The following ST6GAL1 variants were observed in gnomAD, a reference collection of about 807,000 sequenced individuals.
ST6GAL1 encodes beta-galactoside alpha-2,6-sialyltransferase 1.
ST6GAL1 carries 20 observed loss-of-function variants against 38.0 expected under a neutral mutation model. The ratio of observed to expected loss-of-function variants is 0.53; its 90% CI spans 0.37 to 0.77. The LOEUF (loss-of-function observed/expected upper bound fraction) is 0.77, where lower values mean the gene tolerates loss of function less well. Among genes scored for constraint, ST6GAL1 ranks in the 30% least tolerant of loss-of-function variants. The pLI is 0.00. For missense variants in ST6GAL1, 432 were observed against 496.4 expected (o/e 0.87, Z 1.23); for synonymous variants, 196 against 188.2 (o/e 1.04, Z -0.34).
chr3:186,937,384 T>A (rs1490330097), intron 1 of ST6GAL1, among the ~76,000 whole-genome samples: 1 of 152,196 alleles, frequency 6.6e-6, no homozygotes, highest in Non-Finnish European at 1.5e-5. Context: ...TTTAGAAGTC[T>A]ACAGGTACTG....
At chr3:187,000,442 A>C (rs1342322456) in intron 2 of ST6GAL1, among the ~76,000 whole-genome samples, 4 of 151,696 alleles carry the variant, frequency 2.6e-5, no homozygotes, top group Admixed American at 6.6e-5. Flanking sequence ...GGTGCCCGTA[A>C]TCCCAGCTAC....
Position 187,075,700 on chromosome 3 carries a change from T to C in ST6GAL1, c.1118T>C (p.Leu373Pro). The part of the protein sequence containing the change: ...ACTMGAYHPL[L>P]YEKNLVKHLN... ...ACGATGGGTGCCTACCACCCGCTGC[T>C]CTATGAGAAGAATTTGGTGAAGCAT... The change falls in exon 8 of 8, where the codon CTC becomes CCC. Residue 373 changes from leucine (L) to proline (P), a missense_variant. Leu to Pro is a moderately conservative substitution (Grantham distance 98). Coordinates refer to ENST00000169298, the MANE Select transcript of ST6GAL1 (RefSeq NM_173216.2). The surrounding 1 kb of genome is among the most constrained non-coding windows in gnomAD (Gnocchi z 4.1). The C allele has an allele frequency of 6.2e-7, 1 of 1,614,202 alleles. No homozygotes were observed. Among genetic ancestry groups the C allele is most frequent in the South Asian group, 1.1e-5 (1 of 91,080 alleles).
intron 2 of ST6GAL1, among the ~76,000 whole-genome samples, chr3:187,037,195 G>A (rs1028554980): frequency 1.3e-5 from 2 of 152,026 alleles, no homozygotes; most frequent in Non-Finnish European, 2.9e-5. Context: ...AATATATATC[G>A]ATTTAATTAT....
chr3:186,953,559 C>T (rs550316893), intron 1 of ST6GAL1, among the ~76,000 whole-genome samples: 2 of 152,328 alleles, frequency 1.3e-5, no homozygotes, highest in East Asian at 1.9e-4. Context: ...TTCCTTGTTG[C>T]TGTTCAATAG....
rs1332388507 is a variant in ST6GAL1 at position 187,076,490 on chromosome 3, T to G, written c.*687T>G. 1 of 216,304 alleles carries G rather than the reference T, an allele frequency of 4.6e-6. No individual in the cohort carries two copies. Among genetic ancestry groups the G allele is most frequent in the Admixed American group, 5.9e-5 (1 of 17,084 alleles). The allele number at this position is 216,304 out of a possible 1,614,324, so 13.4% of individuals were successfully genotyped here. A position where few individuals can be genotyped will look rare whatever the true frequency, so the allele number is the denominator to read the frequency against. On this transcript the variant is annotated 3_prime_UTR_variant, in exon 8 of 8. Transcript: ENST00000169298. ...AGTGTCTATCCTCAAGTTGCTACGG[T>G]TCAGTGAGAGAGGCAGACATCTGAA...
At chr3:187,008,795 A>G (rs1472411909) in intron 2 of ST6GAL1, among the ~76,000 whole-genome samples, 1 of 152,136 alleles carries the variant, frequency 6.6e-6, no homozygotes, top group Non-Finnish European at 1.5e-5. Context: ...GATATTTTAG[A>G]TTTATTTCCT....
At chr3:187,063,773 G>T (rs1318756954) in intron 5 of ST6GAL1, among the ~76,000 whole-genome samples, 3 of 152,220 alleles carry the variant, frequency 2.0e-5, no homozygotes, top group Non-Finnish European at 4.4e-5. Context: ...TAAGAGTACT[G>T]GAGTCAGGCA....
chr3:186,984,516 C>G (rs1195787938), intron 2 of ST6GAL1, among the ~76,000 whole-genome samples: 1 of 152,122 alleles, frequency 6.6e-6, no homozygotes, highest in East Asian at 1.9e-4. Context: ...TGATCCTTTC[C>G]TTCCAACCAG....
chr3:187,034,806 T>C (rs980210090), intron 2 of ST6GAL1, among the ~76,000 whole-genome samples: 3 of 152,170 alleles, frequency 2.0e-5, no homozygotes, highest in Non-Finnish European at 2.9e-5. Flanking sequence ...TCATACTGAA[T>C]GGGTAAAAAC....
rs1352873489 is a variant in ST6GAL1 at position 186,992,985 on chromosome 3, T to G, written c.-183+29059T>G. Among the ~76,000 whole-genome samples the G allele has an allele frequency of 2.4e-4, 36 of 152,076 alleles. 1 individual carries two copies. The highest frequency in any genetic ancestry group is 2.4e-3 in the Admixed American group (36 of 15,258). ...AACACTGCCTGTCCCGTGCAGTTCT[T>G]CCTGGATTGACGGCAGCTAGATCCT... On this transcript the variant is annotated intron_variant, in intron 2 of 7. Transcript: ENST00000169298.
intron 2 of ST6GAL1, among the ~76,000 whole-genome samples, chr3:187,014,839 T>C (rs1717067065): frequency 6.6e-6 from 1 of 152,238 alleles, no homozygotes; most frequent in African/African-American, 2.4e-5. Context: ...GGATCTCATT[T>C]ATTGTGTACA....
intron 1 of ST6GAL1, among the ~76,000 whole-genome samples, chr3:186,935,731 A>C (rs1713928924): frequency 6.6e-6 from 1 of 151,968 alleles, no homozygotes; most frequent in Non-Finnish European, 1.5e-5. Context: ...AGTGGTAGGG[A>C]ATGTTAGTGG....
chr3:187,005,927 G>A (rs1456980394), intron 2 of ST6GAL1, among the ~76,000 whole-genome samples: 36 of 152,116 alleles, frequency 2.4e-4, no homozygotes, highest in Admixed American at 2.0e-3. Flanking sequence ...CATGGAAGAG[G>A]AGACATAGGC....
intron 2 of ST6GAL1, among the ~76,000 whole-genome samples, chr3:187,001,921 A>G (rs965979001): frequency 6.7e-5 from 10 of 149,860 alleles, no homozygotes; most frequent in African/African-American, 2.5e-4. Context: ...ACGCCACTGC[A>G]CTCCAGCCTG....
chr3:187,066,331 C>T (rs78319280), intron 5 of ST6GAL1, among the ~76,000 whole-genome samples: 16,096 of 152,040 alleles, frequency 0.11, 1,103 homozygotes, highest in South Asian at 0.23. Flanking sequence ...TTCCTCTGTG[C>T]GTGGTGGAAA....
intron 1 of ST6GAL1, among the ~76,000 whole-genome samples, chr3:186,948,043 A>G (rs1016341101): frequency 2.6e-5 from 4 of 152,144 alleles, no homozygotes; most frequent in Non-Finnish European, 5.9e-5. Flanking sequence ...TGAGGGAGGG[A>G]GGAGGCAGGG....
chr3:187,066,654 T>C (rs1719151702), intron 5 of ST6GAL1, among the ~76,000 whole-genome samples: 1 of 151,996 alleles, frequency 6.6e-6, no homozygotes, highest in South Asian at 2.1e-4. Flanking sequence ...ATTTTCTAAC[T>C]GTCCCCAGTG....
intron 2 of ST6GAL1, among the ~76,000 whole-genome samples, chr3:186,994,587 C>T (rs1400737436): frequency 6.6e-6 from 1 of 152,128 alleles, no homozygotes; most frequent in East Asian, 1.9e-4. Context: ...GTTATTTTAA[C>T]TGACTTCAAA....
chr3:187,000,422 G>T (rs1190804605), intron 2 of ST6GAL1, among the ~76,000 whole-genome samples: 3 of 150,972 alleles, frequency 2.0e-5, no homozygotes, highest in Non-Finnish European at 4.4e-5. Flanking sequence ...AATTAGCTAG[G>T]CTTGGTGGAG....
Sources: gnomAD v4.1 joint callset for allele counts (sites outside exome capture counted in the v4.1 genomes callset) on GRCh38, gnomAD v4.1.1 for gene constraint, Gnocchi (gnomAD v3.1) non-coding constraint, MANE v1.5 for transcripts, NCBI Gene and HGNC (gene_info 2026-07-23, HGNC 2026-07-21) for gene names.